Variants in MACROD1 observed in about 807,000 individuals in gnomAD.
MACROD1 encodes the protein mono-ADP ribosylhydrolase 1.
A neutral mutation model predicts 41.4 loss-of-function variants in MACROD1; 31 were observed. The observed-to-expected ratio is 0.75, with a 90% CI of 0.56 to 1.01. The LOEUF (loss-of-function observed/expected upper bound fraction) is 1.01, where lower values mean the gene tolerates loss of function less well. Ranked by LOEUF, MACROD1 falls within the 50% of genes least tolerant of loss-of-function variation. The pLI, the probability that MACROD1 is intolerant of heterozygous loss-of-function variation, is 0.00. For missense variants in MACROD1, 473 were observed against 460.0 expected (o/e 1.03, Z -0.26); for synonymous variants, 252 against 203.4 (o/e 1.24, Z -2.03).
At chr11:64,048,046 C>T (rs1479476432) in intron 3 of MACROD1, among the ~76,000 whole-genome samples, 2 of 152,170 alleles carry the variant, frequency 1.3e-5, no homozygotes, top group African/African-American at 2.4e-5. Flanking sequence ...GCTGGCAGGC[C>T]CTGCCCGCCT....
At chr11:64,080,108 G>A (rs144809448) in intron 3 of MACROD1, among the ~76,000 whole-genome samples, 2,271 of 152,278 alleles carry the variant, frequency 0.015, 47 homozygotes, top group African/African-American at 0.051. Context: ...CGCCTCCCAG[G>A]TTCAAGCGAT....
chr11:64,117,089 G>A lies in MACROD1; in HGVS notation c.517+34150C>T, dbSNP rs34856996. 80,184 of 1,603,572 alleles carry A rather than the reference G, an allele frequency of 0.05. 2,244 individuals are homozygous for A. Among genetic ancestry groups the A allele is most frequent in the Non-Finnish European group, 0.059 (68,933 of 1,175,134 alleles). On this transcript the variant is annotated intron_variant, in intron 3 of 10. Coordinates refer to ENST00000255681, the MANE Select transcript of MACROD1 (RefSeq NM_014067.4). ...ACCTGCCCAGCGCCCACCTGCAGAA[G>A]CTCTACCTGCAGGACAATGCCATCA...
chr11:64,164,514 A>G (rs756188782), intron 1 of MACROD1, among the ~76,000 whole-genome samples: 6 of 152,070 alleles, frequency 3.9e-5, no homozygotes, highest in Non-Finnish European at 5.9e-5. Flanking sequence ...GCCAGCCCCA[A>G]ACTCCTCCTG....
intron 3 of MACROD1, among the ~76,000 whole-genome samples, chr11:64,142,682 G>A (rs945061597): frequency 1.3e-5 from 2 of 152,176 alleles, no homozygotes; most frequent in African/African-American, 2.4e-5. Context: ...TTGCACTGGC[G>A]GAAATTAGCT....
chr11:64,079,412 G>A (rs1046234729), intron 3 of MACROD1, among the ~76,000 whole-genome samples: 3 of 152,048 alleles, frequency 2.0e-5, no homozygotes, highest in South Asian at 2.1e-4. Flanking sequence ...GGGATGGGGG[G>A]GTGTGCGAAG....
At chr11:64,088,711 A>G (rs1944438418) in intron 3 of MACROD1, among the ~76,000 whole-genome samples, 1 of 152,090 alleles carries the variant, frequency 6.6e-6, no homozygotes. Flanking sequence ...TGTCTATGAA[A>G]TGGGGATAAT....
chr11:64,151,283 C>T lies in MACROD1; in HGVS notation c.473G>A (p.Arg158His), dbSNP rs1014451480. 9 of 1,613,904 alleles carry T rather than the reference C, an allele frequency of 5.6e-6. No homozygotes were observed. Among genetic ancestry groups the T allele is most frequent in the African/African-American group, 2.7e-5 (2 of 75,060 alleles). ...CACCTCCAGCTTGGTGATGTCGCTG[C>T]GGAGCAGGGAGATTTTCTCATTGAG... ...KQLNEKISLL[R>H]SDITKLEVDA... is the part of the protein sequence containing the mutation. The change falls in exon 3 of 11, where the codon CGC (arginine) becomes CAC (histidine). Residue 158 changes from arginine (R) to histidine (H), a missense_variant. Transcript: ENST00000255681.
chr11:64,145,731 G>A (rs1368533042), intron 3 of MACROD1, among the ~76,000 whole-genome samples: 1 of 152,220 alleles, frequency 6.6e-6, no homozygotes, highest in Non-Finnish European at 1.5e-5. Flanking sequence ...GCCAAAGCCA[G>A]GCAGCTGGAC....
At chr11:64,005,279 C>T (rs541890136) in intron 4 of MACROD1, among the ~76,000 whole-genome samples, 57 of 152,296 alleles carry the variant, frequency 3.7e-4, no homozygotes, top group African/African-American at 1.0e-3. Context: ...CCGCCCGCCT[C>T]GGCCTCCCAA....
intron 1 of MACROD1, among the ~76,000 whole-genome samples, chr11:64,162,992 G>C (rs914093348): frequency 1.1e-4 from 17 of 151,948 alleles, no homozygotes; most frequent in Non-Finnish European, 2.1e-4. Context: ...GTGATGGCAC[G>C]CGTCTGTAAT....
chr11:64,149,629 C>A (rs1945545993), intron 3 of MACROD1, among the ~76,000 whole-genome samples: 1 of 152,226 alleles, frequency 6.6e-6, no homozygotes, highest in Non-Finnish European at 1.5e-5. Flanking sequence ...CCAAGGGGGA[C>A]AGAGCTCACA....
intron 3 of MACROD1, among the ~76,000 whole-genome samples, chr11:64,124,648 G>T (rs1428066752): frequency 1.3e-5 from 2 of 152,030 alleles, no homozygotes; most frequent in African/African-American, 4.8e-5. Flanking sequence ...GGGTGTGCCT[G>T]GAGACCCCCA....
chr11:63,999,785 G>C, intron 5 of MACROD1, 22 bp from the exon 6 acceptor site: 1 of 1,597,510 alleles, frequency 6.3e-7, no homozygotes, highest in South Asian at 1.1e-5. Flanking sequence ...GACGGGGTCA[G>C]ACCGGCGGGG....
chr11:64,013,351 T>C (rs1159271739), intron 4 of MACROD1, among the ~76,000 whole-genome samples: 4 of 151,982 alleles, frequency 2.6e-5, no homozygotes, highest in South Asian at 4.2e-4. Flanking sequence ...CCCTGAGAGA[T>C]GGTATTCAAG....
intron 4 of MACROD1, among the ~76,000 whole-genome samples, chr11:64,007,307 G>A (rs1488079556): frequency 2.0e-5 from 3 of 152,226 alleles, no homozygotes; most frequent in Non-Finnish European, 2.9e-5. Context: ...TGAAAAAGGA[G>A]AAGGGGAAAA....
chr11:64,047,999 G>A lies in MACROD1; in HGVS notation c.518-32718C>T, dbSNP rs181060377. 1.2e-4 allele frequency among the ~76,000 whole-genome samples: 19 copies of A among 152,140 alleles called. No homozygotes were observed. The East Asian group carries it at 3.7e-3, about 29-fold the overall frequency. On this transcript the variant is annotated intron_variant, in intron 3 of 10. Transcript: ENST00000255681. ...TGGATAGGAGCTTTCCCAGTGCCCT[G>A]TGTGCTGGGCCTGAGCCACCACTTC...
In MACROD1 at chr11:64,064,823, G is replaced by A. The variant is rs998640690; in HGVS notation, c.518-49542C>T. Among the ~76,000 whole-genome samples the A allele has an allele frequency of 1.3e-5, 2 of 150,688 alleles. No individual in the cohort carries two copies. The highest frequency in any genetic ancestry group is 2.9e-5 in the Non-Finnish European group (2 of 67,812). On this transcript the variant is annotated intron_variant, in intron 3 of 10. Transcript: ENST00000255681. This position sits in a 1 kb window ranked among gnomAD's most constrained non-coding sequence, Gnocchi z 4.5. Reference sequence around the variant, plus strand: ...AAACCTGGGCACCCGGTGGCCAAGAGGCTAGAGTTTCACAAGGACCTCATT... The same window carrying A: ...AAACCTGGGCACCCGGTGGCCAAGAAGCTAGAGTTTCACAAGGACCTCATT...
chr11:64,038,835 G>T (rs1943431456), intron 3 of MACROD1, among the ~76,000 whole-genome samples: 1 of 152,210 alleles, frequency 6.6e-6, no homozygotes, highest in Non-Finnish European at 1.5e-5. Context: ...TCGGTTCCTG[G>T]GGAGGGTTTC....
chr11:64,019,694 T>C (rs1054214480), intron 3 of MACROD1, among the ~76,000 whole-genome samples: 1 of 152,010 alleles, frequency 6.6e-6, no homozygotes, highest in Admixed American at 6.6e-5. Context: ...CAGTATGGAG[T>C]CCCTGGGCCT....
Sources: gnomAD v4.1 joint callset for allele counts (sites outside exome capture counted in the v4.1 genomes callset) on GRCh38, gnomAD v4.1.1 for gene constraint, Gnocchi (gnomAD v3.1) non-coding constraint, MANE v1.5 for transcripts, NCBI Gene and HGNC (gene_info 2026-07-23, HGNC 2026-07-21) for gene names.